Variants in SP110 observed in about 807,000 individuals in gnomAD.
SP110 encodes the protein SP110 nuclear body protein.
SP110 carries 62 observed loss-of-function variants against 92.7 expected under a neutral mutation model. That is an observed-to-expected ratio of 0.67 (90% CI 0.55 to 0.83). SP110 has a LOEUF of 0.83. Ranked by LOEUF, SP110 falls within the 40% of genes least tolerant of loss-of-function variation. The probability of loss-of-function intolerance (pLI) is 0.00; values close to 1 mark genes in which losing one functional copy is unlikely to be tolerated. For missense variants in SP110, 793 were observed against 863.9 expected, an observed-to-expected ratio of 0.92 and a Z score of 1.03; for synonymous variants, 273 against 305.3, an observed-to-expected ratio of 0.89 and a Z score of 1.10.
At chr2:230,220,953 G>A (rs148152716), upstream of SP110, among the ~76,000 whole-genome samples, 62 of 151,814 alleles carry the variant, frequency 4.1e-4, no homozygotes, top group Non-Finnish European at 7.8e-4. Flanking sequence ...TCAAGGCTGC[G>A]GTGAGCTATG....
At chr2:230,209,819 G>A in intron 7 of SP110, 112 bp downstream of exon 7, 1 of 758,516 alleles carries the variant, frequency 1.3e-6, no homozygotes, top group East Asian at 2.4e-5. Context: ...AACTGTGTGT[G>A]GCATCAGGAC....
intron 8 of SP110, among the ~76,000 whole-genome samples, chr2:230,204,510 TATG>T (rs2043542175): frequency 6.6e-6 from 1 of 152,214 alleles, no homozygotes; most frequent in Non-Finnish European, 1.5e-5. Flanking sequence ...CCATAATGTC[TATG>T]ACCCCTTTTC....
chr2:230,220,810 T>C (rs759186603), upstream of SP110, among the ~76,000 whole-genome samples: 11 of 152,084 alleles, frequency 7.2e-5, no homozygotes, highest in Non-Finnish European at 1.5e-4. Context: ...TTGAGACCAG[T>C]CTGGGCAACA....
intron 9 of SP110, among the ~76,000 whole-genome samples, chr2:230,201,619 A>T (rs915660389): frequency 2.0e-4 from 30 of 152,390 alleles, no homozygotes; most frequent in African/African-American, 7.0e-4. Context: ...TGAAGAGCAC[A>T]TATAAAGCAC....
chr2:230,170,297 G>A (rs967640695), intron 18 of SP110, among the ~76,000 whole-genome samples: 5 of 151,912 alleles, frequency 3.3e-5, no homozygotes, highest in South Asian at 2.1e-4. Flanking sequence ...AACAATGTAG[G>A]CATAAACTGC....
chr2:230,174,176 C>A (rs2041747538), intron 14 of SP110: 1 of 152,214 alleles, frequency 6.6e-6, no homozygotes, highest in Non-Finnish European at 1.5e-5. Flanking sequence ...CAGGGATCCA[C>A]ACCAATTTCT....
At chr2:230,205,395 C>T (rs1000534977) in intron 8 of SP110, among the ~76,000 whole-genome samples, 2 of 152,152 alleles carry the variant, frequency 1.3e-5, no homozygotes, top group African/African-American at 4.8e-5. Context: ...TCTGCCTGGA[C>T]CATCCAATCC....
At position 230,172,872 on chromosome 2, in the gene SP110, A is replaced by G; in HGVS notation, c.1678T>C (p.Cys560Arg). 1.2e-6 allele frequency: 2 copies of G among 1,613,816 alleles called. No homozygotes were observed. The highest frequency in any genetic ancestry group is 8.5e-7 in the Non-Finnish European group (1 of 1,179,672). ...GTCPRVFHED[C>R]HIPPVEAKRM... ...TTGGCTTCCACAGGGGGGATGTGAC[A>G]GTCCTCATGGAAGACTCGTGGACAA... The change falls in exon 15 of 19, where the codon TGT (cysteine) becomes CGT (arginine). Residue 560 changes from cysteine (C) to arginine (R), a missense_variant. Physicochemically the swap from Cys to Arg is radical, Grantham distance 180. Transcript: ENST00000258381.
At chr2:230,186,189 T>C in intron 10 of SP110, 46 bp from the exon 11 acceptor site, 1 of 1,599,132 alleles carries the variant, frequency 6.3e-7, no homozygotes, top group Non-Finnish European at 8.6e-7. Context: ...TCCCTTCTCA[T>C]GTTCCCAGCC....
intron 14 of SP110, among the ~76,000 whole-genome samples, chr2:230,175,446 T>C (rs2041816031): frequency 1.3e-5 from 2 of 152,244 alleles, no homozygotes; most frequent in Admixed American, 6.5e-5. Flanking sequence ...GAACTTGTGT[T>C]CGTCCCTAAT....
chr2:230,208,862 G>T (rs911079955), intron 7 of SP110, among the ~76,000 whole-genome samples: 9 of 152,144 alleles, frequency 5.9e-5, no homozygotes, highest in Non-Finnish European at 1.3e-4. Flanking sequence ...GAGAGGAAAG[G>T]CAGGTTTAAG....
chr2:230,213,452 G>A (rs1482714361), intron 3 of SP110, among the ~76,000 whole-genome samples: 1 of 152,096 alleles, frequency 6.6e-6, no homozygotes, highest in Non-Finnish European at 1.5e-5. Flanking sequence ...TCCTTAGCAG[G>A]GTGTATTAGG....
chr2:230,177,242 C>T (rs577170345), intron 14 of SP110: 76 of 428,006 alleles, frequency 1.8e-4, no homozygotes, highest in South Asian at 1.5e-3. Context: ...GGAGTGGTTG[C>T]AGGCATCTGT....
In SP110 at chr2:230,170,690, T is replaced by C. The variant is rs1041024262; in HGVS notation, c.1959A>G (p.Glu653=). 2 of 1,614,080 alleles carry C rather than the reference T, an allele frequency of 1.2e-6. No homozygotes were observed. Among genetic ancestry groups the C allele is most frequent in the Non-Finnish European group, 1.7e-6 (2 of 1,179,978 alleles). Residue 653 remains glutamate, a synonymous_variant, in exon 18 of 19, where the codon GAA becomes GAG. Coordinates refer to ENST00000258381, the MANE Select transcript of SP110 (RefSeq NM_080424.4). ...GCACAAACCATGCCACCGTGTACAT[T>C]TCCGTAATCAGCCTTTCCTTAACCA... is the stretch of plus-strand genomic sequence containing the variant. ...LDLVKERLIT[E]MYTVAWFVRD... is the part of the protein sequence containing the mutation.
chr2:230,178,347 G>T, intron 12 of SP110, 92 bp from the exon 13 acceptor site: 1 of 765,122 alleles, frequency 1.3e-6, no homozygotes, highest in South Asian at 1.5e-5. Context: ...TAATGTACAG[G>T]GTATTGGGGA....
chr2:230,170,547 T>C, intron 18 of SP110, 74 bp downstream of exon 18: 1 of 1,567,420 alleles, frequency 6.4e-7, no homozygotes, highest in Non-Finnish European at 8.8e-7. Context: ...GTGTAATACT[T>C]GCAAAATTCT....
At chr2:230,222,052 A>G (rs1023605796), upstream of SP110, among the ~76,000 whole-genome samples, 8 of 152,196 alleles carry the variant, frequency 5.3e-5, no homozygotes, top group African/African-American at 1.9e-4. Context: ...ACATGGCAAA[A>G]TCCCGTCTCT....
At position 230,170,664 on chromosome 2, in the gene SP110, C is replaced by T. The variant is rs200397055; in HGVS notation, c.1985G>A (p.Arg662Gln). 5.3e-5 allele frequency: 86 copies of T among 1,614,020 alleles called. 1 individual carries two copies. Among genetic ancestry groups the T allele is most frequent in the South Asian group, 6.6e-5 (6 of 91,086 alleles). ...TEMYTVAWFVRDMRLMFRNHK... is the reference protein window; with the variant it reads ...TEMYTVAWFVQDMRLMFRNHK... ...GTTGCGAAACATCAGGCGCATGTCT[C>T]GCACAAACCATGCCACCGTGTACAT... Residue 662 changes from arginine (R) to glutamine (Q), a missense_variant, in exon 18 of 19, where the codon CGA becomes CAA. Arg to Gln is a conservative substitution (Grantham distance 43). Coordinates refer to ENST00000258381, the MANE Select transcript of SP110 (RefSeq NM_080424.4).
intron 11 of SP110, among the ~76,000 whole-genome samples, chr2:230,185,262 T>C (rs1188258192): frequency 6.6e-6 from 1 of 152,198 alleles, no homozygotes; most frequent in Non-Finnish European, 1.5e-5. Flanking sequence ...TGGGTCCACA[T>C]TTCTTTCGCT....
Sources: gnomAD v4.1 joint callset for allele counts (sites outside exome capture counted in the v4.1 genomes callset) on GRCh38, gnomAD v4.1.1 for gene constraint, MANE v1.5 for transcripts, NCBI Gene and HGNC (gene_info 2026-07-23, HGNC 2026-07-21) for gene names.